The following FHIT variants were observed in gnomAD, a reference collection of about 807,000 sequenced individuals.
FHIT encodes the protein bis(5'-adenosyl)-triphosphatase.
A neutral mutation model predicts 17.9 loss-of-function variants in FHIT; 19 were observed. The ratio of observed to expected loss-of-function variants is 1.06; its 90% CI spans 0.74 to 1.56. The LOEUF (loss-of-function observed/expected upper bound fraction) is 1.56. Ranked by LOEUF, FHIT falls within the 40% of genes most tolerant of loss-of-function variation. FHIT has a pLI of 0.00. For synonymous variants in FHIT, 81 were observed against 69.7 expected (o/e 1.16, Z -0.81); for missense variants, 248 against 189.2 (o/e 1.31, Z -1.82).
intron 5 of FHIT, among the ~76,000 whole-genome samples, chr3:60,503,040 G>A (rs986280853): frequency 6.6e-6 from 1 of 152,180 alleles, no homozygotes; most frequent in Admixed American, 6.5e-5. Context: ...CTACATTTAT[G>A]CTGTATTGGT....
At chr3:60,377,856 C>T (rs1343424419) in intron 5 of FHIT, among the ~76,000 whole-genome samples, 2 of 152,102 alleles carry the variant, frequency 1.3e-5, no homozygotes, top group East Asian at 1.9e-4. Flanking sequence ...ATTGAGGACA[C>T]AGGGTTTAGG....
At chr3:60,508,696 T>C (rs2034830979) in intron 5 of FHIT, among the ~76,000 whole-genome samples, 1 of 152,184 alleles carries the variant, frequency 6.6e-6, no homozygotes, top group African/African-American at 2.4e-5. Flanking sequence ...TTCCTTCTAT[T>C]TATTTGGATC....
At chr3:61,073,327 T>C (rs755688215) in intron 2 of FHIT, among the ~76,000 whole-genome samples, 8 of 152,166 alleles carry the variant, frequency 5.3e-5, no homozygotes, top group Non-Finnish European at 1.0e-4. Flanking sequence ...AGGGGCCCTA[T>C]AGTAATAAAG....
intron 5 of FHIT, among the ~76,000 whole-genome samples, chr3:60,474,099 C>A (rs1269683054): frequency 6.6e-6 from 1 of 152,056 alleles, no homozygotes; most frequent in Non-Finnish European, 1.5e-5. Context: ...GTGACACAAT[C>A]AGGACAGGGA....
intron 2 of FHIT, among the ~76,000 whole-genome samples, chr3:61,195,237 T>C (rs2038822672): frequency 6.6e-6 from 1 of 151,956 alleles, no homozygotes; most frequent in African/African-American, 2.4e-5. Context: ...TAAGCTTGTC[T>C]ACTTCTATGG....
intron 7 of FHIT, among the ~76,000 whole-genome samples, chr3:59,971,905 CCAA>C (rs1323274299): frequency 6.6e-6 from 1 of 152,142 alleles, no homozygotes; most frequent in Non-Finnish European, 1.5e-5. Flanking sequence ...AGAAATTGCA[CCAA>C]CGTCAGTGCC....
At chr3:60,422,484 A>G (rs1036889047) in intron 5 of FHIT, among the ~76,000 whole-genome samples, 5 of 152,098 alleles carry the variant, frequency 3.3e-5, no homozygotes, top group African/African-American at 1.2e-4. Context: ...ACATACCTAA[A>G]AAGAATCAAT....
At chr3:60,062,294 T>A (rs1371491884) in intron 5 of FHIT, among the ~76,000 whole-genome samples, 1 of 152,292 alleles carries the variant, frequency 6.6e-6, no homozygotes, top group East Asian at 1.9e-4. Context: ...AGTGGAAATG[T>A]ATTCTATGCT....
At chr3:61,221,510 A>C (rs1005128828) in intron 1 of FHIT, among the ~76,000 whole-genome samples, 2 of 152,220 alleles carry the variant, frequency 1.3e-5, no homozygotes, top group African/African-American at 2.4e-5. Context: ...TTAGACTTAA[A>C]AAGTCATTCA....
intron 3 of FHIT, among the ~76,000 whole-genome samples, chr3:60,831,847 C>G (rs1702341594): frequency 6.6e-6 from 1 of 151,990 alleles, no homozygotes; most frequent in Non-Finnish European, 1.5e-5. Context: ...CAGAATAGTT[C>G]AGAAACCTCC....
intron 5 of FHIT, among the ~76,000 whole-genome samples, chr3:60,525,964 G>T (rs1045340434): frequency 3.3e-5 from 5 of 151,898 alleles, no homozygotes; most frequent in African/African-American, 1.2e-4. Flanking sequence ...TTAGCTGGGC[G>T]TGGTGGCCCA....
intron 5 of FHIT, among the ~76,000 whole-genome samples, chr3:60,231,670 C>A (rs192338731): frequency 1.3e-5 from 2 of 152,128 alleles, no homozygotes; most frequent in Non-Finnish European, 2.9e-5. Context: ...AAGTGCTTTA[C>A]GTGCCTTGAC....
chr3:60,739,707 A>C (rs1396576746), intron 4 of FHIT, among the ~76,000 whole-genome samples: 1 of 152,198 alleles, frequency 6.6e-6, no homozygotes, highest in Non-Finnish European at 1.5e-5. Flanking sequence ...GTCTCTCAAG[A>C]GCCAAAATTA....
intron 8 of FHIT, among the ~76,000 whole-genome samples, chr3:59,799,900 T>C (rs935911336): frequency 1.3e-5 from 2 of 152,216 alleles, no homozygotes; most frequent in Admixed American, 6.5e-5. Context: ...CATGGAAATT[T>C]GGAGATTGCT....
At chr3:60,309,848 A>G (rs1345488733) in intron 5 of FHIT, among the ~76,000 whole-genome samples, 2 of 152,112 alleles carry the variant, frequency 1.3e-5, no homozygotes, top group African/African-American at 4.8e-5. Context: ...TCGCTCCCAC[A>G]GCCACAATGG....
rs1435293136 is a variant in FHIT at position 61,197,058 on chromosome 3, T to C, written c.-164+3559A>G. Reference sequence around the variant, plus strand: ...CCAGCACAAGCACTATACAAGGTGGTTGTTGCTGTTGTCGTTGTTGTTGTT... The same window carrying C: ...CCAGCACAAGCACTATACAAGGTGGCTGTTGCTGTTGTCGTTGTTGTTGTT... On this transcript the variant is annotated intron_variant, in intron 2 of 9. Transcript: ENST00000492590. Among the ~76,000 whole-genome samples, 4 of 152,210 alleles carry C rather than the reference T, an allele frequency of 2.6e-5. No individual in the cohort carries two copies. In the East Asian group the frequency reaches 7.7e-4, roughly 29 times the overall value.
chr3:60,114,741 G>A (rs572443375), intron 5 of FHIT, among the ~76,000 whole-genome samples: 1 of 151,862 alleles, frequency 6.6e-6, no homozygotes, highest in African/African-American at 2.4e-5. Flanking sequence ...CAATGCACCT[G>A]TCTCAGCCTC....
At chr3:61,007,988 A>T (rs2031559971) in intron 3 of FHIT, among the ~76,000 whole-genome samples, 1 of 152,116 alleles carries the variant, frequency 6.6e-6, no homozygotes, top group African/African-American at 2.4e-5. Context: ...AAGACTCCCC[A>T]TGTGATCAGG....
At chr3:59,871,975 G>C (rs998864388) in intron 8 of FHIT, among the ~76,000 whole-genome samples, 5 of 152,184 alleles carry the variant, frequency 3.3e-5, no homozygotes, top group African/African-American at 1.2e-4. Context: ...GGGAATTACA[G>C]GCAAAACCAA....
Sources: allele counts gnomAD v4.1 joint callset (sites outside exome capture counted in the v4.1 genomes callset), GRCh38; gene constraint gnomAD v4.1.1; transcripts MANE v1.5; gene names NCBI Gene and HGNC (gene_info 2026-07-23, HGNC 2026-07-21).